RMDN1: variants seen among roughly 807,000 people sequenced by gnomAD.
The protein encoded by RMDN1 is regulator of microtubule dynamics protein 1.
RMDN1 carries 48 observed loss-of-function variants against 48.9 expected under a neutral mutation model. The ratio of observed to expected loss-of-function variants is 0.98; its 90% CI spans 0.78 to 1.25. RMDN1 has a LOEUF of 1.25. Ranked by LOEUF, RMDN1 falls within the 50% of genes most tolerant of loss-of-function variation. RMDN1 has a pLI of 0.00. For missense variants in RMDN1, 418 were observed against 373.4 expected (o/e 1.12, Z -0.98); for synonymous variants, 148 against 132.6 (o/e 1.12, Z -0.80).
intron 5 of RMDN1, among the ~76,000 whole-genome samples, chr8:86,484,381 A>C (rs910135346): frequency 1.3e-5 from 2 of 152,218 alleles, no homozygotes; most frequent in Admixed American, 1.3e-4. Flanking sequence ...CAAGCAATGT[A>C]GAAGTGCCAC....
chr8:86,509,829 G>A (rs1449980802), upstream of RMDN1, among the ~76,000 whole-genome samples: 1 of 152,042 alleles, frequency 6.6e-6, no homozygotes, highest in Non-Finnish European at 1.5e-5. Flanking sequence ...TGTCTTTAAA[G>A]TCTATCTTTA....
At chr8:86,506,291 G>A (rs1369768030) in intron 2 of RMDN1, among the ~76,000 whole-genome samples, 4 of 152,158 alleles carry the variant, frequency 2.6e-5, no homozygotes, top group African/African-American at 9.7e-5. Context: ...CCCAAAGAAT[G>A]TTTATAGCTA....
intron 2 of RMDN1, among the ~76,000 whole-genome samples, chr8:86,490,787 GACTT>G (rs1467255158): frequency 6.6e-6 from 1 of 151,990 alleles, no homozygotes; most frequent in Admixed American, 6.6e-5. Context: ...ATTATTCTCT[GACTT>G]ACTAAAAAGA....
At chr8:86,508,770 C>T (rs1452235397), upstream of RMDN1, 8 of 1,373,292 alleles carry the variant, frequency 5.8e-6, no homozygotes, top group East Asian at 2.0e-4. Context: ...CCTCTTCCGC[C>T]CCCATGGTTT....
At chr8:86,488,698 C>A in intron 2 of RMDN1, 59 bp from the exon 3 acceptor site, 2 of 1,151,732 alleles carry the variant, frequency 1.7e-6, no homozygotes, top group Non-Finnish European at 2.5e-6. Flanking sequence ...AGTCAGATGA[C>A]AATAATTCAA....
chr8:86,502,637 G>A (rs1818450416), intron 2 of RMDN1, among the ~76,000 whole-genome samples: 1 of 152,138 alleles, frequency 6.6e-6, no homozygotes, highest in Non-Finnish European at 1.5e-5. Flanking sequence ...TACTTACCAA[G>A]CAGCATTCTG....
At chr8:86,505,450 C>T (rs34596274) in intron 2 of RMDN1, 135,284 of 443,270 alleles carry the variant, frequency 0.31, 23,869 homozygotes, top group Admixed American at 0.55. Context: ...AGAAGATATA[C>T]ATATGAGTGT....
At chr8:86,506,188 C>A (rs1488933445) in intron 2 of RMDN1, among the ~76,000 whole-genome samples, 1 of 152,182 alleles carries the variant, frequency 6.6e-6, no homozygotes, top group African/African-American at 2.4e-5. Flanking sequence ...ATAATCAGTT[C>A]TTGGTAGAGA....
chr8:86,492,607 C>T (rs967827491), intron 2 of RMDN1, among the ~76,000 whole-genome samples: 2 of 151,406 alleles, frequency 1.3e-5, no homozygotes, highest in African/African-American at 4.9e-5. Context: ...GAAATGAGAT[C>T]GCACCAATGC....
chr8:86,479,287 TTCTC>T (rs1813932620), intron 6 of RMDN1, among the ~76,000 whole-genome samples: 1 of 152,176 alleles, frequency 6.6e-6, no homozygotes, highest in South Asian at 2.1e-4. Context: ...AGTGGGTTGA[TTCTC>T]TCATTTATTC....
intron 3 of RMDN1, among the ~76,000 whole-genome samples, chr8:86,487,566 C>A (rs1815688130): frequency 6.6e-6 from 1 of 151,834 alleles, no homozygotes; most frequent in African/African-American, 2.4e-5. Context: ...CCAGCTTGGA[C>A]AACAAGAGCA....
chr8:86,489,643 A>G (rs1166208474), intron 2 of RMDN1, among the ~76,000 whole-genome samples: 4 of 152,168 alleles, frequency 2.6e-5, no homozygotes, highest in African/African-American at 4.8e-5. Flanking sequence ...CAGCCTAGCC[A>G]ACATGGTGAA....
chr8:86,478,912 C>T lies in RMDN1; in HGVS notation c.729+11G>A. 6.2e-7 allele frequency: 1 copy of T among 1,601,700 alleles called. No homozygotes were observed. Among genetic ancestry groups the T allele is most frequent in the Non-Finnish European group, 8.6e-7 (1 of 1,168,794 alleles). On this transcript the variant is annotated intron_variant, in intron 7 of 9. Coordinates refer to ENST00000406452, the MANE Select transcript of RMDN1 (RefSeq NM_016033.3). Reference sequence around the variant, plus strand: ...AAATCCGTACTAACTTAACAAAGGACATCATACTACCTTCTCATAGGTGGA... The same window carrying T: ...AAATCCGTACTAACTTAACAAAGGATATCATACTACCTTCTCATAGGTGGA...
At chr8:86,505,746 TG>T in intron 2 of RMDN1, among the ~76,000 whole-genome samples, 1 of 152,304 alleles carries the variant, frequency 6.6e-6, no homozygotes, top group South Asian at 2.1e-4. Flanking sequence ...GATTTCATGC[TG>T]GGGAGGTTAG....
At chr8:86,468,471 T>TA (rs759918842), downstream of RMDN1, 61 of 428,220 alleles carry the variant, frequency 1.4e-4, no homozygotes, top group Non-Finnish European at 2.0e-4. Flanking sequence ...GGTTATGTGA[T>TA]AGAGGGAAAC....
chr8:86,514,224 G>C (rs1454308130), intron 1 of RMDN1: 41 of 981,014 alleles, frequency 4.2e-5, no homozygotes, highest in Non-Finnish European at 5.0e-5. Flanking sequence ...ATTTATTTTG[G>C]TGCACCAAAC....
In RMDN1 at chr8:86,474,847, A is replaced by G. The variant is rs752565225; in HGVS notation, c.867T>C (p.Tyr289=). The G allele has an allele frequency of 6.6e-5, 107 of 1,612,720 alleles. No homozygotes were observed. The highest frequency in any genetic ancestry group is 8.2e-5 in the Non-Finnish European group (97 of 1,179,612). Residue 289 remains tyrosine, a synonymous_variant, in exon 9 of 10, where the codon TAT becomes TAC. Transcript: ENST00000406452. ...GTTTATCCTCCTCTGTGTGTGCTGGATAGTCCTTGGCTTTCATTAGCCAGA... is the reference window on the plus strand; with the variant it reads ...GTTTATCCTCCTCTGTGTGTGCTGGGTAGTCCTTGGCTTTCATTAGCCAGA... The part of the protein sequence containing the change: ...AAFWLMKAKD[Y]PAHTEEDKQI...
At chr8:86,511,922 G>A (rs1488563145), upstream of RMDN1, among the ~76,000 whole-genome samples, 1 of 151,844 alleles carries the variant, frequency 6.6e-6, no homozygotes, top group Non-Finnish European at 1.5e-5. Flanking sequence ...AAAATACATA[G>A]GAGAAAGAAT....
downstream of RMDN1, among the ~76,000 whole-genome samples, chr8:86,470,562 G>A (rs1254023738): frequency 6.6e-6 from 1 of 152,098 alleles, no homozygotes; most frequent in African/African-American, 2.4e-5. Context: ...GTATCCCAGA[G>A]AGATAAAATC....
Sources: gnomAD v4.1 joint callset for allele counts (sites outside exome capture counted in the v4.1 genomes callset) on GRCh38, gnomAD v4.1.1 for gene constraint, MANE v1.5 for transcripts, NCBI Gene and HGNC (gene_info 2026-07-23, HGNC 2026-07-21) for gene names.